Variants in ANKS3 observed in about 807,000 individuals in gnomAD.
The protein encoded by ANKS3 is ankyrin repeat and SAM domain-containing protein 3.
A neutral mutation model predicts 80.7 loss-of-function variants in ANKS3; 62 were observed. The ratio of observed to expected loss-of-function variants is 0.77; its 90% CI spans 0.63 to 0.95. The LOEUF (loss-of-function observed/expected upper bound fraction) is 0.95. Among genes scored for constraint, ANKS3 ranks in the 40% least tolerant of loss-of-function variants. The pLI is 0.00. For synonymous variants in ANKS3, 489 were observed against 355.3 expected (o/e 1.38, Z -4.23); for missense variants, 1,150 against 883.6 (o/e 1.30, Z -3.82).
chr16:4,696,869 G>C lies in ANKS3; in HGVS notation c.*39C>G. Reference sequence around the variant, plus strand: ...CCTCACTCCCTGGCACACAGCTTCAGGGTGGACCAATCACCCAACGTCAGA... The same window carrying C: ...CCTCACTCCCTGGCACACAGCTTCACGGTGGACCAATCACCCAACGTCAGA... On this transcript the variant is annotated 3_prime_UTR_variant, in exon 18 of 18. Transcript: ENST00000304283. 2.7e-6 allele frequency: 2 copies of C among 740,644 alleles called. No homozygotes were observed. The highest frequency in any genetic ancestry group is 4.5e-6 in the Non-Finnish European group (2 of 440,082). 45.9% of individuals were successfully genotyped at this position (740,644 alleles called of 1,614,324 possible).
At chr16:4,698,149 G>T in intron 14 of ANKS3, 87 bp from the exon 15 acceptor site, 2 of 1,422,908 alleles carry the variant, frequency 1.4e-6, no homozygotes, top group East Asian at 2.5e-5. Flanking sequence ...GGAGGGAGGG[G>T]CTCAGCCCTG....
chr16:4,716,556 T>G (rs1236911624), intron 6 of ANKS3, among the ~76,000 whole-genome samples: 1 of 151,976 alleles, frequency 6.6e-6, no homozygotes, highest in Admixed American at 6.6e-5. Context: ...GAGTTTTACT[T>G]TCTAGAGTGC....
At chr16:4,712,169 G>C (rs1270821127) in intron 7 of ANKS3, among the ~76,000 whole-genome samples, 1 of 151,848 alleles carries the variant, frequency 6.6e-6, no homozygotes, top group African/African-American at 2.4e-5. Flanking sequence ...TCAGGAGTTC[G>C]AGACCAGCCT....
chr16:4,711,300 T>C (rs925505893), intron 7 of ANKS3, among the ~76,000 whole-genome samples: 1 of 150,626 alleles, frequency 6.6e-6, no homozygotes, highest in Non-Finnish European at 1.5e-5. Context: ...ATGGGGTTTC[T>C]CCATACTGAT....
intron 6 of ANKS3, among the ~76,000 whole-genome samples, chr16:4,724,249 G>A (rs2081246063): frequency 1.3e-5 from 2 of 152,166 alleles, no homozygotes; most frequent in Non-Finnish European, 2.9e-5. Flanking sequence ...ACTGTACAAA[G>A]ATAAGATGTC....
chr16:4,716,154 C>G (rs859326), intron 6 of ANKS3, among the ~76,000 whole-genome samples: 80,937 of 151,180 alleles, frequency 0.54, 21,881 homozygotes, highest in East Asian at 0.67. Context: ...TCAGGAGTTC[C>G]ATACCAGCCT....
At position 4,720,993 on chromosome 16, in the gene ANKS3, T is replaced by C. The variant is rs1354006027; in HGVS notation, c.573+3757A>G. Among the ~76,000 whole-genome samples the C allele has an allele frequency of 2.2e-5, 3 of 133,916 alleles. 1 individual carries two copies. The highest frequency in any genetic ancestry group is 3.1e-5 in the Non-Finnish European group (2 of 63,568). 87.9% of individuals were successfully genotyped at this position (133,916 alleles called of 152,430 possible). On this transcript the variant is annotated intron_variant, in intron 6 of 17. Transcript: ENST00000304283. ...TGATTCATCCCTACAGGGAATACCATGCCACCATAAAAAAAAAAAAAAAAA... is the reference window on the plus strand; with the variant it reads ...TGATTCATCCCTACAGGGAATACCACGCCACCATAAAAAAAAAAAAAAAAA...
chr16:4,706,452 G>T (rs955441683), intron 7 of ANKS3, among the ~76,000 whole-genome samples: 1 of 152,076 alleles, frequency 6.6e-6, no homozygotes, highest in East Asian at 1.9e-4. Context: ...GGCCAGGCTG[G>T]TCTCGATCTC....
intron 7 of ANKS3, 129 bp downstream of exon 7, chr16:4,713,922 G>T (rs916511503): frequency 7.7e-7 from 1 of 1,298,898 alleles, no homozygotes; most frequent in Non-Finnish European, 1.0e-6. Flanking sequence ...GTAAGCAGCT[G>T]GGGGAGGCAG....
At chr16:4,716,216 C>T (rs1247652796) in intron 6 of ANKS3, among the ~76,000 whole-genome samples, 2 of 151,712 alleles carry the variant, frequency 1.3e-5, no homozygotes, top group African/African-American at 4.8e-5. Context: ...AGAAATTAGC[C>T]GGGCGTGGTG....
In ANKS3 at chr16:4,719,678, A is replaced by G. The variant is rs979126285; in HGVS notation, c.573+5072T>C. Among the ~76,000 whole-genome samples, 3 of 151,530 alleles carry G rather than the reference A, an allele frequency of 2.0e-5. No homozygotes were observed. In the East Asian group the frequency reaches 5.8e-4, roughly 29 times the overall value. On this transcript the variant is annotated intron_variant, in intron 6 of 17. Transcript: ENST00000304283. ...GCCAGGCGTGGTAGTGCGTGCCTGT[A>G]GTCCCAGCTACTGAGGAGGCTGAGG...
intron 9 of ANKS3, chr16:4,701,858 A>G: frequency 2.0e-6 from 1 of 507,986 alleles, no homozygotes; most frequent in Admixed American, 3.7e-5. Context: ...TGAAAGCCTC[A>G]GGGGCTCCCA....
chr16:4,733,202 C>CAAAAA (rs56944690), intron 1 of ANKS3, among the ~76,000 whole-genome samples: 48 of 70,408 alleles, frequency 6.8e-4, no homozygotes, highest in African/African-American at 1.0e-3. Context: ...GACTCCGTCT[C>CAAAAA]AAAAAAAAAA....
At chr16:4,716,609 A>G (rs2142100229) in intron 6 of ANKS3, among the ~76,000 whole-genome samples, 1 of 152,070 alleles carries the variant, frequency 6.6e-6, no homozygotes, top group African/African-American at 2.4e-5. Context: ...TACCTATGAG[A>G]CTTTGTGCCT....
At chr16:4,705,392 G>T in intron 7 of ANKS3, 139 bp from the exon 8 acceptor site, 1 of 1,049,036 alleles carries the variant, frequency 9.5e-7, no homozygotes. Flanking sequence ...CATCACTTCT[G>T]AGAAATGCCC....
chr16:4,725,404 T>C (rs1282937374), intron 5 of ANKS3, among the ~76,000 whole-genome samples: 2 of 152,216 alleles, frequency 1.3e-5, no homozygotes, highest in African/African-American at 4.8e-5. Flanking sequence ...TTTTCATCCA[T>C]CTTAAGACAC....
chr16:4,701,762 G>A lies in ANKS3; in HGVS notation c.1010-219C>T, dbSNP rs1378473011. The A allele has an allele frequency of 2.7e-5, 14 of 525,860 alleles. No homozygotes were observed. In the Admixed American group the frequency reaches 4.5e-4, roughly 17 times the overall value. 32.6% of individuals were successfully genotyped at this position (525,860 alleles called of 1,614,324 possible). ...CACTGATAAATCCCAAGCACCCGGA[G>A]CAGTGCTTGGCACACGGTGGGCACT... On this transcript the variant is annotated intron_variant, in intron 9 of 17. Coordinates refer to ENST00000304283, the MANE Select transcript of ANKS3 (RefSeq NM_133450.4).
In ANKS3 at chr16:4,730,000, C is replaced by T; in HGVS notation, c.150G>A (p.Val50=). 6 of 1,537,450 alleles carry T rather than the reference C, an allele frequency of 3.9e-6. No homozygotes were observed. The highest frequency in any genetic ancestry group is 3.5e-6 in the Non-Finnish European group (4 of 1,134,206). ...HTAASIGQYE[V]VKECVQRREL... ...CTTACCGCTGCACACACTCCTTCAC[C>T]ACTTCATACTGGCCAATGGAAGCAG... The change falls in exon 3 of 18, where the codon GTG becomes GTA. Residue 50 remains valine, a synonymous_variant. Coordinates refer to ENST00000304283, the MANE Select transcript of ANKS3 (RefSeq NM_133450.4).
intron 11 of ANKS3, 38 bp from the exon 12 acceptor site, chr16:4,699,214 C>G: frequency 6.2e-7 from 1 of 1,609,108 alleles, no homozygotes; most frequent in African/African-American, 1.3e-5. Context: ...GAGGTAGTGG[C>G]TGACGACGAA....
Sources: allele counts gnomAD v4.1 joint callset (sites outside exome capture counted in the v4.1 genomes callset), GRCh38; gene constraint gnomAD v4.1.1; transcripts MANE v1.5; gene names NCBI Gene and HGNC (gene_info 2026-07-23, HGNC 2026-07-21).